Variants in PEX13 observed in about 807,000 individuals in gnomAD.
PEX13 encodes peroxisomal biogenesis factor 13.
In PEX13, 28 loss-of-function variants were observed where a neutral mutation model predicts 34.5. The ratio of observed to expected loss-of-function variants is 0.81; its 90% CI spans 0.60 to 1.11. PEX13 has a LOEUF of 1.11. Among genes scored for constraint, PEX13 ranks in the 50% most tolerant of loss-of-function variants. The pLI is 0.00. For synonymous variants in PEX13, 177 were observed against 175.1 expected (o/e 1.01, Z -0.09); for missense variants, 550 against 491.0 (o/e 1.12, Z -1.13).
Position 61,049,142 on chromosome 2 carries a change from G to A in PEX13, c.*372G>A. On this transcript the variant is annotated 3_prime_UTR_variant, in exon 4 of 4. Coordinates refer to ENST00000295030, the MANE Select transcript of PEX13 (RefSeq NM_002618.4). ...TTAAAAGTTCTGCATTAATTGACTT[G>A]GAATCCTTAGAAATGGAGTGGTGAC... The A allele has an allele frequency of 5.3e-6, 1 of 187,486 alleles. No homozygotes were observed. The highest frequency in any genetic ancestry group is 1.1e-5 in the Non-Finnish European group (1 of 89,170). 11.6% of individuals were successfully genotyped at this position (187,486 alleles called of 1,614,324 possible). A position where few individuals can be genotyped will look rare whatever the true frequency, so the allele number is the denominator to read the frequency against.
Position 61,031,810 on chromosome 2 carries a change from T to G in PEX13, c.484T>G (p.Leu162Val), listed in dbSNP as rs1222771988. 1 of 1,613,664 alleles carries G rather than the reference T, an allele frequency of 6.2e-7. No homozygotes were observed. Among genetic ancestry groups the G allele is most frequent in the African/African-American group, 1.3e-5 (1 of 75,038 alleles). The part of the protein sequence containing the change: ...SAVYNSFRAV[L>V]DVANHFSRLK... ...TGTCTATAACAGTTTCAGGGCTGTA[T>G]TGGATGTAGCAAATCACTTTTCCCG... Residue 162 changes from leucine to valine, a missense_variant, in exon 2 of 4, where the codon TTG becomes GTG. By Grantham distance (32) the Leu-to-Val change is conservative. Transcript: ENST00000295030.
intron 1 of PEX13, among the ~76,000 whole-genome samples, chr2:61,021,753 A>T (rs1035724661): frequency 8.5e-5 from 13 of 152,190 alleles, no homozygotes; most frequent in African/African-American, 3.1e-4. Context: ...CCTGACTGGG[A>T]AACACCTCCC....
At chr2:61,018,591 A>G (rs983350303) in intron 1 of PEX13, 2 of 211,718 alleles carry the variant, frequency 9.4e-6, no homozygotes, top group Non-Finnish European at 1.9e-5. Context: ...AGTGCTGGAC[A>G]TCTTAATTCA....
At position 61,050,904 on chromosome 2, in the gene PEX13, A is replaced by AGCC. The variant is rs1178870226; in HGVS notation, c.*2135_*2137dup. On this transcript the variant is annotated 3_prime_UTR_variant, in exon 4 of 4. Transcript: ENST00000295030. ...CCAAAGTGTTGGGATTACAGGCGTG[A>AGCC]GCCACCGCACCCAGCGATTTAGTAT... 6.6e-6 allele frequency: 1 copy of AGCC among 152,356 alleles called. No individual in the cohort carries two copies. Among genetic ancestry groups the AGCC allele is most frequent in the African/African-American group, 2.4e-5 (1 of 41,458 alleles). 9.4% of individuals were successfully genotyped at this position (152,356 alleles called of 1,614,324 possible). A position where few individuals can be genotyped will look rare whatever the true frequency, so the allele number is the denominator to read the frequency against.
rs1180546646 is a variant in PEX13 at position 61,048,971 on chromosome 2, C to A, written c.*201C>A. The A allele has an allele frequency of 7.0e-6, 4 of 573,098 alleles. No homozygotes were observed. Among genetic ancestry groups the A allele is most frequent in the Non-Finnish European group, 1.2e-5 (4 of 323,200 alleles). 35.5% of individuals were successfully genotyped at this position (573,098 alleles called of 1,614,324 possible). On this transcript the variant is annotated 3_prime_UTR_variant, in exon 4 of 4. Transcript: ENST00000295030. ...ACATTTTATTATACACATTATTGGA[C>A]CATAAGGACATTTGTTTCACCTAGA...
chr2:61,026,700 T>G (rs1680361174), intron 1 of PEX13, among the ~76,000 whole-genome samples: 1 of 152,148 alleles, frequency 6.6e-6, no homozygotes, highest in Admixed American at 6.5e-5. Flanking sequence ...TTAAATGTTT[T>G]TATTTAATTT....
chr2:61,037,947 C>G (rs1430485309), intron 2 of PEX13, among the ~76,000 whole-genome samples: 1 of 152,196 alleles, frequency 6.6e-6, no homozygotes, highest in East Asian at 1.9e-4. Context: ...CACAGAAATA[C>G]AAACTACCAT....
chr2:61,027,108 A>AG (rs1680369639), intron 1 of PEX13, among the ~76,000 whole-genome samples: 1 of 151,170 alleles, frequency 6.6e-6, no homozygotes, highest in Non-Finnish European at 1.5e-5. Flanking sequence ...GGATTGCTTG[A>AG]GCCCAGGAGT....
At chr2:61,030,688 T>A (rs1225342076) in intron 1 of PEX13, among the ~76,000 whole-genome samples, 1 of 152,150 alleles carries the variant, frequency 6.6e-6, no homozygotes, top group African/African-American at 2.4e-5. Flanking sequence ...AATAAGTATA[T>A]GTATTGATTG....
At chr2:61,042,049 G>T (rs112224138) in intron 2 of PEX13, among the ~76,000 whole-genome samples, 1,695 of 152,294 alleles carry the variant, frequency 0.011, 31 homozygotes, top group African/African-American at 0.038. Flanking sequence ...AATCTGGCCT[G>T]CTCCTATTTT....
chr2:61,029,050 C>T (rs887997296), intron 1 of PEX13, among the ~76,000 whole-genome samples: 1 of 151,180 alleles, frequency 6.6e-6, no homozygotes, highest in East Asian at 1.9e-4. Flanking sequence ...GGTGGTCTCA[C>T]CTACATAGGA....
intron 2 of PEX13, among the ~76,000 whole-genome samples, chr2:61,034,049 T>C (rs1456342766): frequency 6.6e-6 from 1 of 152,048 alleles, no homozygotes; most frequent in Non-Finnish European, 1.5e-5. Context: ...CAGGCTGGAG[T>C]GCAGTGGCGC....
rs371861166 is a variant in PEX13, at chr2:61,042,239, TC to T, written c.788-3485del. Among the ~76,000 whole-genome samples, 22 of 152,348 alleles carry T rather than the reference TC, an allele frequency of 1.4e-4. No homozygotes were observed. In the East Asian group the frequency reaches 3.1e-3, roughly 21 times the overall value. ...CCATACATATTGTTATGGCTGCTTT[TC>T]CACTGTAACAGTGGAATTGAATAGT... On this transcript the variant is annotated intron_variant, in intron 2 of 3. Coordinates refer to ENST00000295030, the MANE Select transcript of PEX13 (RefSeq NM_002618.4).
chr2:61,023,518 T>C (rs1680300637), intron 1 of PEX13, among the ~76,000 whole-genome samples: 1 of 152,146 alleles, frequency 6.6e-6, no homozygotes, highest in Admixed American at 6.6e-5. Flanking sequence ...TCATCAATTA[T>C]ACCTTTAAAT....
At chr2:61,023,855 A>T (rs535911020) in intron 1 of PEX13, among the ~76,000 whole-genome samples, 2 of 150,502 alleles carry the variant, frequency 1.3e-5, no homozygotes, top group East Asian at 3.9e-4. Flanking sequence ...GAGTGTGGTG[A>T]CGCAATCACA....
In PEX13 at chr2:61,017,736, G is replaced by A. The variant is rs1429766297; in HGVS notation, c.-24G>A. 4.5e-6 allele frequency: 7 copies of A among 1,543,436 alleles called. No individual in the cohort carries two copies. In the East Asian group the frequency reaches 7.3e-5, roughly 16 times the overall value. ...GGCCTGGACAGTCAGGGGTAGGAGC[G>A]GGAGCCGAGAGGAGGCGGAGGAGAT... On this transcript the variant is annotated 5_prime_UTR_variant, in exon 1 of 4. Coordinates refer to ENST00000295030, the MANE Select transcript of PEX13 (RefSeq NM_002618.4).
chr2:61,019,831 A>G lies in PEX13; in HGVS notation c.92+1980A>G, dbSNP rs146671365. On this transcript the variant is annotated intron_variant, in intron 1 of 3. Coordinates refer to ENST00000295030, the MANE Select transcript of PEX13 (RefSeq NM_002618.4). ...TGTTCTTTGTAATTGCGCTCTTTACACTTAGTCCTTTATAAAAAGACTTAC... is the reference window on the plus strand; with the variant it reads ...TGTTCTTTGTAATTGCGCTCTTTACGCTTAGTCCTTTATAAAAAGACTTAC... 9.0e-3 allele frequency among the ~76,000 whole-genome samples: 1,364 copies of G among 152,316 alleles called. 20 individuals carry two copies. Among genetic ancestry groups the G allele is most frequent in the African/African-American group, 0.032 (1,322 of 41,562 alleles).
rs561149651 is a variant in PEX13 at position 61,048,462 on chromosome 2, T to C, written c.914-10T>C. On this transcript the variant is annotated splice_polypyrimidine_tract_variant and intron_variant, in intron 3 of 3. Transcript: ENST00000295030. ...ATTGTAATTACAAGACTGTCTTTTTTTTCCATCAGAACAACAACCCAAAGT... is the reference window on the plus strand; with the variant it reads ...ATTGTAATTACAAGACTGTCTTTTTCTTCCATCAGAACAACAACCCAAAGT... The C allele has an allele frequency of 6.8e-6, 11 of 1,612,238 alleles. No individual in the cohort carries two copies. In the South Asian group the frequency reaches 1.1e-4, roughly 16 times the overall value.
intron 1 of PEX13, 156 bp downstream of exon 1, chr2:61,018,007 C>G: frequency 7.4e-7 from 1 of 1,349,478 alleles, no homozygotes; most frequent in Non-Finnish European, 1.0e-6. Context: ...GGGGCGCTTA[C>G]CAGTGGGGAC....
Sources: gnomAD v4.1 joint callset for allele counts (sites outside exome capture counted in the v4.1 genomes callset) on GRCh38, gnomAD v4.1.1 for gene constraint, MANE v1.5 for transcripts, NCBI Gene and HGNC (gene_info 2026-07-23, HGNC 2026-07-21) for gene names.